The following NDUFS4 variants were observed in gnomAD, a reference collection of about 807,000 sequenced individuals.
NDUFS4 encodes NADH:ubiquinone oxidoreductase subunit S4.
A neutral mutation model predicts 24.3 loss-of-function variants in NDUFS4; 28 were observed. That is an observed-to-expected ratio of 1.15 (90% CI 0.85 to 1.58). NDUFS4 has a LOEUF of 1.58. Among genes scored for constraint, NDUFS4 ranks in the 40% most tolerant of loss-of-function variants. The pLI, the probability that NDUFS4 is intolerant of heterozygous loss-of-function variation, is 0.00. For missense variants in NDUFS4, 223 were observed against 207.9 expected, an observed-to-expected ratio of 1.07 and a Z score of -0.45; for synonymous variants, 93 against 69.7, an observed-to-expected ratio of 1.34 and a Z score of -1.67.
chr5:53,566,105 G>A (rs1024797391), intron 1 of NDUFS4, among the ~76,000 whole-genome samples: 4 of 152,098 alleles, frequency 2.6e-5, no homozygotes, highest in South Asian at 2.1e-4. Flanking sequence ...CCTGGGAGGC[G>A]GAGGTTGCAG....
At chr5:53,608,130 C>A (rs527263957) in intron 2 of NDUFS4, among the ~76,000 whole-genome samples, 1 of 152,236 alleles carries the variant, frequency 6.6e-6, no homozygotes, top group East Asian at 1.9e-4. Flanking sequence ...GTTTTGGCTT[C>A]CCAGTGCATA....
chr5:53,604,233 A>G (rs528461141), intron 2 of NDUFS4, among the ~76,000 whole-genome samples: 45 of 152,304 alleles, frequency 3.0e-4, no homozygotes, highest in African/African-American at 1.1e-3. Flanking sequence ...TTTTCATTTT[A>G]TATCTGGTTT....
At chr5:53,632,555 CA>C (rs550870242) in intron 2 of NDUFS4, among the ~76,000 whole-genome samples, 154 of 152,274 alleles carry the variant, frequency 1.0e-3, no homozygotes, top group African/African-American at 3.5e-3. Context: ...TCATTTGACT[CA>C]GCATGCCTGA....
intron 4 of NDUFS4, chr5:53,658,933 G>C (rs574792715): frequency 6.8e-6 from 2 of 296,290 alleles, no homozygotes; most frequent in African/African-American, 4.3e-5. Context: ...ACATTTTGTT[G>C]AACTTCAATT....
intron 2 of NDUFS4, among the ~76,000 whole-genome samples, chr5:53,643,517 A>G (rs1168663729): frequency 1.3e-5 from 2 of 152,162 alleles, no homozygotes; most frequent in Non-Finnish European, 2.9e-5. Context: ...AGTGCCTCAT[A>G]GTTCTTTTCA....
chr5:53,578,357 C>T (rs1749452720), intron 1 of NDUFS4, among the ~76,000 whole-genome samples: 1 of 152,164 alleles, frequency 6.6e-6, no homozygotes, highest in African/African-American at 2.4e-5. Flanking sequence ...CCTTAATAGA[C>T]TCTTACCAGT....
chr5:53,650,129 G>A (rs1306053054), intron 3 of NDUFS4, among the ~76,000 whole-genome samples: 2 of 152,090 alleles, frequency 1.3e-5, no homozygotes, highest in Non-Finnish European at 2.9e-5. Context: ...ATTTTTACAT[G>A]TTCATCTATT....
intron 1 of NDUFS4, among the ~76,000 whole-genome samples, chr5:53,596,694 ACT>A (rs1227195483): frequency 6.6e-6 from 1 of 152,038 alleles, no homozygotes; most frequent in African/African-American, 2.4e-5. Flanking sequence ...TTCAATTAAA[ACT>A]CTCAGTAATA....
chr5:53,619,555 G>T (rs919366700), intron 2 of NDUFS4, among the ~76,000 whole-genome samples: 4 of 121,582 alleles, frequency 3.3e-5, no homozygotes, highest in Non-Finnish European at 5.2e-5. Context: ...CAATAAAAAA[G>T]ATACATATTT....
intron 2 of NDUFS4, among the ~76,000 whole-genome samples, chr5:53,625,668 C>T (rs1428844758): frequency 2.0e-5 from 3 of 152,120 alleles, no homozygotes; most frequent in East Asian, 3.9e-4. Context: ...ATTTTAGATA[C>T]TATATTTTTC....
intron 1 of NDUFS4, among the ~76,000 whole-genome samples, chr5:53,577,034 G>A (rs1252320344): frequency 6.6e-6 from 1 of 152,060 alleles, no homozygotes; most frequent in Non-Finnish European, 1.5e-5. Context: ...TCTTCTCCTT[G>A]AGTAGAGTCT....
chr5:53,575,626 C>G (rs989205180), intron 1 of NDUFS4, among the ~76,000 whole-genome samples: 2 of 144,842 alleles, frequency 1.4e-5, no homozygotes, highest in South Asian at 2.2e-4. Flanking sequence ...ACTGCAACCT[C>G]TGCCTCCCGG....
chr5:53,569,323 C>G (rs1749139829), intron 1 of NDUFS4, among the ~76,000 whole-genome samples: 1 of 151,922 alleles, frequency 6.6e-6, no homozygotes, highest in African/African-American at 2.4e-5. Context: ...GCTTTTTGTT[C>G]AGATTTTGTA....
chr5:53,642,658 C>T (rs551519778), intron 2 of NDUFS4, among the ~76,000 whole-genome samples: 4 of 151,960 alleles, frequency 2.6e-5, no homozygotes, highest in Admixed American at 6.6e-5. Context: ...AGTTGATAAC[C>T]GAATCATACA....
At chr5:53,621,740 C>T (rs1280825806) in intron 2 of NDUFS4, among the ~76,000 whole-genome samples, 20 of 123,546 alleles carry the variant, frequency 1.6e-4, no homozygotes, top group African/African-American at 5.8e-4. Flanking sequence ...TTCGCTCTGT[C>T]GCCCAGGCTG....
At chr5:53,597,791 G>T (rs1403472991) in intron 1 of NDUFS4, among the ~76,000 whole-genome samples, 2 of 152,124 alleles carry the variant, frequency 1.3e-5, no homozygotes, top group Non-Finnish European at 2.9e-5. Flanking sequence ...CTCTGTGAAA[G>T]ACACTCTAAA....
rs192962814 is a variant in NDUFS4, at chr5:53,573,073, G to A, written c.98+12313G>A. Among the ~76,000 whole-genome samples the A allele has an allele frequency of 2.4e-3, 358 of 148,240 alleles. 5 individuals carry two copies. The highest frequency in any genetic ancestry group is 8.3e-3 in the African/African-American group (333 of 40,150). On this transcript the variant is annotated intron_variant, in intron 1 of 4. Coordinates refer to ENST00000296684, the MANE Select transcript of NDUFS4 (RefSeq NM_002495.4). Reference sequence around the variant, plus strand: ...CAGCCTTGACTTCCCGGACTCTAGCGATTCTTTCCCACCTCAGCCTCCTGA... The same window carrying A: ...CAGCCTTGACTTCCCGGACTCTAGCAATTCTTTCCCACCTCAGCCTCCTGA...
intron 4 of NDUFS4, among the ~76,000 whole-genome samples, chr5:53,665,728 C>G (rs1297636878): frequency 6.6e-6 from 1 of 152,210 alleles, no homozygotes; most frequent in Non-Finnish European, 1.5e-5. Flanking sequence ...ATCTGTCACC[C>G]CTTTCTTTGA....
intron 1 of NDUFS4, among the ~76,000 whole-genome samples, chr5:53,575,573 G>A (rs555456324): frequency 1.6e-4 from 17 of 105,480 alleles, no homozygotes; most frequent in Non-Finnish European, 2.0e-4. Context: ...ACAGAGTCTT[G>A]CTCTGTCGCC....
Sources: allele counts gnomAD v4.1 joint callset (sites outside exome capture counted in the v4.1 genomes callset), GRCh38; gene constraint gnomAD v4.1.1; transcripts MANE v1.5; gene names NCBI Gene and HGNC (gene_info 2026-07-23, HGNC 2026-07-21).